Variants in CEP63 observed in about 807,000 individuals in gnomAD.
CEP63 encodes centrosomal protein 63.
A neutral mutation model predicts 89.1 loss-of-function variants in CEP63; 84 were observed. The ratio of observed to expected loss-of-function variants is 0.94; its 90% CI spans 0.79 to 1.13. CEP63 has a LOEUF of 1.13. CEP63 is among the 50% of genes most tolerant of loss of function. The probability of loss-of-function intolerance (pLI) is 0.00; values close to 1 mark genes in which losing one functional copy is unlikely to be tolerated. For missense variants in CEP63, 838 were observed against 813.3 expected (o/e 1.03, Z -0.37); for synonymous variants, 267 against 272.5 (o/e 0.98, Z 0.20).
intron 3 of CEP63, among the ~76,000 whole-genome samples, chr3:134,509,964 T>C (rs955107465): frequency 6.6e-6 from 1 of 152,242 alleles, no homozygotes; most frequent in Non-Finnish European, 1.5e-5. Context: ...CTTGTGTTTC[T>C]ATCCTAGAAT....
the CEP63 span, among the ~76,000 whole-genome samples, chr3:134,699,680 A>G: frequency 6.6e-6 from 1 of 152,124 alleles, no homozygotes; most frequent in Non-Finnish European, 1.5e-5. Context: ...CCTCCTGTAC[A>G]CATCACAATC....
At chr3:134,521,248 A>G (rs2108769739) in intron 3 of CEP63, among the ~76,000 whole-genome samples, 1 of 152,302 alleles carries the variant, frequency 6.6e-6, no homozygotes, top group Middle Eastern at 3.4e-3. Flanking sequence ...GAAAGGCTAA[A>G]AGTTAAAAGA....
chr3:134,534,552 A>T (rs778386987), intron 5 of CEP63, among the ~76,000 whole-genome samples: 4 of 152,140 alleles, frequency 2.6e-5, no homozygotes, highest in Non-Finnish European at 5.9e-5. Context: ...CAGCTTTTAA[A>T]TTCTGTCATT....
intron 11 of CEP63, among the ~76,000 whole-genome samples, chr3:134,570,638 T>A (rs1462178647): frequency 6.6e-6 from 1 of 152,224 alleles, no homozygotes; most frequent in Non-Finnish European, 1.5e-5. Context: ...CATTTTCCTG[T>A]CTTCTTCTGA....
At chr3:134,533,302 A>G (rs1446647272) in intron 5 of CEP63, among the ~76,000 whole-genome samples, 1 of 152,202 alleles carries the variant, frequency 6.6e-6, no homozygotes, top group African/African-American at 2.4e-5. Context: ...ATTGGGAAAC[A>G]TGACCACTAG....
the CEP63 span, chr3:134,780,433 A>G: frequency 6.6e-6 from 1 of 152,158 alleles, no homozygotes; most frequent in Non-Finnish European, 1.5e-5. Flanking sequence ...TCCCCTGGTA[A>G]CCACTAATCT....
At chr3:134,531,713 G>C (rs1949888717) in intron 3 of CEP63, 132 bp from the exon 4 acceptor site, 1 of 680,392 alleles carries the variant, frequency 1.5e-6, no homozygotes, top group South Asian at 1.7e-5. Context: ...CTAAGAAGTG[G>C]GGTATCACCA....
the CEP63 span, among the ~76,000 whole-genome samples, chr3:134,650,436 G>A: frequency 1.1e-4 from 17 of 152,312 alleles, no homozygotes; most frequent in East Asian, 3.3e-3. Context: ...CCTGTGCCCT[G>A]CAGTGTGCTG....
downstream of CEP63, among the ~76,000 whole-genome samples, chr3:134,567,932 T>C: frequency 6.6e-6 from 1 of 152,260 alleles, no homozygotes; most frequent in East Asian, 1.9e-4. Context: ...ATGTGGAATA[T>C]GAGCATATTG....
intron 14 of CEP63, among the ~76,000 whole-genome samples, chr3:134,559,815 G>T (rs1236652740): frequency 6.6e-6 from 1 of 152,240 alleles, no homozygotes; most frequent in Non-Finnish European, 1.5e-5. Flanking sequence ...GAAAGGGAGT[G>T]TGGAGGGGGA....
the CEP63 span, among the ~76,000 whole-genome samples, chr3:134,646,773 G>A: frequency 6.6e-6 from 1 of 152,170 alleles, no homozygotes; most frequent in Admixed American, 6.5e-5. Flanking sequence ...GGGGCTCTGG[G>A]AGTAGAGGTT....
chr3:134,636,272 CA>C, the CEP63 span, among the ~76,000 whole-genome samples: 1 of 152,202 alleles, frequency 6.6e-6, no homozygotes, highest in Non-Finnish European at 1.5e-5. Flanking sequence ...AGAGAATGCC[CA>C]TTGTGCACAT....
At chr3:134,673,878 G>A in the CEP63 span, among the ~76,000 whole-genome samples, 40,100 of 152,052 alleles carry the variant, frequency 0.26, 5,440 homozygotes, top group African/African-American at 0.32. Context: ...TTTGCTACCT[G>A]TGGTCTATCA....
In CEP63 at chr3:134,547,440, T is replaced by C. The variant is rs1037541685; in HGVS notation, c.1035T>C (p.Leu345=). The C allele has an allele frequency of 3.7e-6, 6 of 1,613,802 alleles. No homozygotes were observed. Among genetic ancestry groups the C allele is most frequent in the Non-Finnish European group, 5.1e-6 (6 of 1,179,766 alleles). Residue 345 remains leucine, a synonymous_variant, in exon 9 of 15, where the codon CTT becomes CTC. Transcript: ENST00000675561. ...ATTTTACCCATACTAGTGAGGACCT[T>C]CTGCAGGCAGAGGTGACTTGTCTTG... is the stretch of plus-strand genomic sequence containing the variant. ...QLNFTHTSED[L]LQAEVTCLEG... is the part of the protein sequence containing the mutation.
At chr3:134,689,856 T>C in the CEP63 span, among the ~76,000 whole-genome samples, 6 of 152,188 alleles carry the variant, frequency 3.9e-5, no homozygotes, top group Admixed American at 6.5e-5. Flanking sequence ...TCCAAAATCA[T>C]GTGTAATTAT....
the CEP63 span, among the ~76,000 whole-genome samples, chr3:134,715,600 C>A: frequency 1.3e-5 from 2 of 150,474 alleles, no homozygotes; most frequent in Admixed American, 1.3e-4. Flanking sequence ...CAGTGCATTG[C>A]ACATTGTGAT....
chr3:134,766,429 ATGAGCCC>A, the CEP63 span, among the ~76,000 whole-genome samples: 1 of 152,204 alleles, frequency 6.6e-6, no homozygotes, highest in African/African-American at 2.4e-5. Context: ...CTCCTCCAAC[ATGAGCCC>A]TTGCCCAGTG....
chr3:134,677,361 A>G, the CEP63 span, among the ~76,000 whole-genome samples: 1 of 152,124 alleles, frequency 6.6e-6, no homozygotes, highest in African/African-American at 2.4e-5. Flanking sequence ...TTCCGTTTCC[A>G]TGTGTTTACC....
At chr3:134,520,720 CAG>C (rs1947257626) in intron 3 of CEP63, among the ~76,000 whole-genome samples, 1 of 152,098 alleles carries the variant, frequency 6.6e-6, no homozygotes, top group African/African-American at 2.4e-5. Context: ...AGTCCCGTAA[CAG>C]AGATCCCACA....
Sources: allele counts gnomAD v4.1 joint callset (sites outside exome capture counted in the v4.1 genomes callset), GRCh38; gene constraint gnomAD v4.1.1; transcripts MANE v1.5; gene names NCBI Gene and HGNC (gene_info 2026-07-23, HGNC 2026-07-21).